Variants in LRBA observed in about 807,000 individuals in gnomAD.
LRBA encodes lipopolysaccharide-responsive and beige-like anchor protein.
In LRBA, 176 loss-of-function variants were observed where a neutral mutation model predicts 330.0. The observed-to-expected ratio is 0.53, with a 90% CI of 0.47 to 0.60. LRBA has a LOEUF of 0.60. Among genes scored for constraint, LRBA ranks in the 20% least tolerant of loss-of-function variants. The probability of loss-of-function intolerance (pLI) is 0.00; values close to 1 mark genes in which losing one functional copy is unlikely to be tolerated. For synonymous variants in LRBA, 1,230 were observed against 1,193.0 expected (o/e 1.03, Z -0.64); for missense variants, 3,259 against 3,444.8 (o/e 0.95, Z 1.35).
intron 33 of LRBA, among the ~76,000 whole-genome samples, chr4:150,802,946 C>T (rs1470524512): frequency 2.1e-5 from 3 of 142,842 alleles, no homozygotes; most frequent in Non-Finnish European, 3.0e-5. Flanking sequence ...TGCTTGAACT[C>T]GGGAGGCAGA....
intron 2 of LRBA, among the ~76,000 whole-genome samples, chr4:150,958,491 C>T (rs1737792835): frequency 6.7e-6 from 1 of 149,258 alleles, no homozygotes; most frequent in Non-Finnish European, 1.5e-5. Flanking sequence ...CTGTGAAGAC[C>T]TCTGACATGC....
In LRBA at chr4:150,753,048, T is replaced by C. The variant is rs78474241; in HGVS notation, c.5645+8735A>G. ...CTACCACCTTCTATCTTCTTATAAC[T>C]GCCTTTGTCTCTTCATTGTCAGTGA... On this transcript the variant is annotated intron_variant, in intron 35 of 56. Coordinates refer to ENST00000651943, the MANE Select transcript of LRBA (RefSeq NM_001364905.1). 1.1e-3 allele frequency among the ~76,000 whole-genome samples: 161 copies of C among 152,312 alleles called. 3 individuals are homozygous for C. The highest frequency in any genetic ancestry group is 3.8e-3 in the African/African-American group (158 of 41,578).
intron 40 of LRBA, among the ~76,000 whole-genome samples, chr4:150,512,349 A>T (rs1485506104): frequency 6.6e-6 from 1 of 152,232 alleles, no homozygotes; most frequent in Admixed American, 6.5e-5. Context: ...GGAACTTATT[A>T]TAAGAATTAA....
intron 2 of LRBA, among the ~76,000 whole-genome samples, chr4:150,977,410 C>T (rs908301125): frequency 6.6e-6 from 1 of 151,944 alleles, no homozygotes; most frequent in Admixed American, 6.6e-5. Flanking sequence ...GAAGGGAACC[C>T]GCTGCCTTGA....
intron 44 of LRBA, among the ~76,000 whole-genome samples, chr4:150,446,390 T>C (rs113358307): frequency 2.0e-5 from 3 of 152,316 alleles, no homozygotes; most frequent in African/African-American, 7.2e-5. Flanking sequence ...TCTCTAATGA[T>C]TCCATAAGTG....
chr4:150,813,259 T>C (rs1744052432), intron 31 of LRBA, among the ~76,000 whole-genome samples: 1 of 152,016 alleles, frequency 6.6e-6, no homozygotes, highest in African/African-American at 2.4e-5. Context: ...ATAAAATTTC[T>C]AGATTTTGAT....
At chr4:150,822,940 G>T (rs1283284712) in intron 30 of LRBA, among the ~76,000 whole-genome samples, 1 of 151,998 alleles carries the variant, frequency 6.6e-6, no homozygotes, top group Non-Finnish European at 1.5e-5. Flanking sequence ...AGCTTAAACC[G>T]GTAAGCACAG....
At chr4:150,271,847 G>T (rs981302523) in intron 56 of LRBA, among the ~76,000 whole-genome samples, 1 of 152,184 alleles carries the variant, frequency 6.6e-6, no homozygotes, top group Non-Finnish European at 1.5e-5. Flanking sequence ...GAAAAAAAAG[G>T]CAGCAGCCCC....
In LRBA at chr4:150,735,232, G is replaced by A. The variant is rs775848597; in HGVS notation, c.5754+26C>T. 1.3e-5 allele frequency: 19 copies of A among 1,516,118 alleles called. No homozygotes were observed. The East Asian group carries it at 1.4e-4, about 11-fold the overall frequency. The allele number at this position is 1,516,118 out of a possible 1,614,324, so 93.9% of individuals were successfully genotyped here. On this transcript the variant is annotated intron_variant, in intron 36 of 56. Transcript: ENST00000651943. ...TTATCATTAAAAAACGGTAACTTCC[G>A]CACACCAACCATATGTGTAACCTAC...
At chr4:150,735,953 T>C (rs977974712) in intron 35 of LRBA, among the ~76,000 whole-genome samples, 3 of 152,124 alleles carry the variant, frequency 2.0e-5, no homozygotes, top group African/African-American at 7.2e-5. Context: ...TGGTGATTGG[T>C]ATTTAGGTTA....
intron 40 of LRBA, among the ~76,000 whole-genome samples, chr4:150,576,791 A>G (rs958632901): frequency 3.9e-5 from 6 of 151,950 alleles, no homozygotes; most frequent in Admixed American, 3.9e-4. Flanking sequence ...AAAAGTACAT[A>G]AAAGCATTTT....
chr4:150,909,273 A>G (rs1384844120), intron 9 of LRBA, among the ~76,000 whole-genome samples: 2 of 151,860 alleles, frequency 1.3e-5, no homozygotes, highest in Non-Finnish European at 2.9e-5. Flanking sequence ...CCATTTAACA[A>G]CTCCCCATTT....
chr4:150,324,594 G>A (rs11933443), intron 49 of LRBA, among the ~76,000 whole-genome samples: 83,406 of 150,602 alleles, frequency 0.55, 24,026 homozygotes, highest in Non-Finnish European at 0.65. Context: ...AAGGTGATGT[G>A]GGAAGAGAAA....
At chr4:150,359,297 C>G (rs1048718423) in intron 47 of LRBA, among the ~76,000 whole-genome samples, 1 of 152,074 alleles carries the variant, frequency 6.6e-6, no homozygotes, top group African/African-American at 2.4e-5. Context: ...TCTGGGGATA[C>G]TGAAATGAGA....
At chr4:150,805,195 G>A (rs768662073) in intron 33 of LRBA, among the ~76,000 whole-genome samples, 1 of 105,550 alleles carries the variant, frequency 9.5e-6, no homozygotes, top group Non-Finnish European at 1.8e-5. Context: ...AAGGAAGGAA[G>A]GCAGAAGGAA....
Position 150,916,442 on chromosome 4 carries a change from C to T in LRBA, c.853G>A (p.Gly285Ser). ...TCAAATTTCACACAGTGTTGAAAGC[C>T]TTTTCCTTTTGACTTTATTGATGTT... ...IVTSIKSKGK[G>S]FQHCVKFDFK... Residue 285 changes from glycine (G) to serine (S), a missense_variant, in exon 7 of 57, where the codon GGC (glycine) becomes AGC (serine). Coordinates refer to ENST00000651943, the MANE Select transcript of LRBA (RefSeq NM_001364905.1). 6.2e-7 allele frequency: 1 copy of T among 1,613,678 alleles called. No individual in the cohort carries two copies. The highest frequency in any genetic ancestry group is 1.7e-4 in the Middle Eastern group (1 of 6,054).
chr4:150,726,670 A>C (rs978009991), intron 36 of LRBA, among the ~76,000 whole-genome samples: 1 of 152,142 alleles, frequency 6.6e-6, no homozygotes, highest in African/African-American at 2.4e-5. Flanking sequence ...AACACTTATA[A>C]AATCATCAGA....
In LRBA at chr4:150,489,045, T is replaced by TA. The variant is rs1758284277; in HGVS notation, c.6449-1212dup. ...ATAAGAATATATATTATATATAATA[T>TA]ATTATATATAAGAATATATAATATA... On this transcript the variant is annotated intron_variant, in intron 41 of 56. Coordinates refer to ENST00000651943, the MANE Select transcript of LRBA (RefSeq NM_001364905.1). Among the ~76,000 whole-genome samples, 5 of 110,666 alleles carry TA rather than the reference T, an allele frequency of 4.5e-5. 1 individual carries two copies. The South Asian group carries it at 1.3e-3, about 28-fold the overall frequency. The allele number at this position is 110,666 out of a possible 152,430, so 72.6% of individuals were successfully genotyped here. A position where few individuals can be genotyped will look rare whatever the true frequency, so the allele number is the denominator to read the frequency against.
intron 40 of LRBA, among the ~76,000 whole-genome samples, chr4:150,561,937 A>G (rs143997456): frequency 7.2e-5 from 11 of 152,280 alleles, no homozygotes; most frequent in African/African-American, 2.6e-4. Context: ...GCTTTAGAAT[A>G]TAATATAGTT....
Sources: gnomAD v4.1 joint callset for allele counts (sites outside exome capture counted in the v4.1 genomes callset) on GRCh38, gnomAD v4.1.1 for gene constraint, MANE v1.5 for transcripts, NCBI Gene and HGNC (gene_info 2026-07-23, HGNC 2026-07-21) for gene names.